Variants in ZFP1 observed in about 807,000 individuals in gnomAD.
ZFP1 encodes ZFP1 zinc finger protein.
In ZFP1, 32 loss-of-function variants were observed where a neutral mutation model predicts 38.5. That is an observed-to-expected ratio of 0.83 (90% confidence interval 0.63 to 1.12). ZFP1 has a LOEUF of 1.12. Ranked by LOEUF, ZFP1 falls within the 50% of genes most tolerant of loss-of-function variation. ZFP1 has a pLI of 0.00. For missense variants in ZFP1, 616 were observed against 480.8 expected, an observed-to-expected ratio of 1.28 and a Z score of -2.63; for synonymous variants, 245 against 168.8, an observed-to-expected ratio of 1.45 and a Z score of -3.50.
rs564033936 is a variant in ZFP1, at chr16:75,166,787, G to A, written c.33G>A (p.Thr11=). 6 of 1,614,098 alleles carry A rather than the reference G, an allele frequency of 3.7e-6. No individual in the cohort carries two copies. The highest frequency in any genetic ancestry group is 4.2e-6 in the Non-Finnish European group (5 of 1,180,008). The change falls in exon 3 of 4, where the codon ACG becomes ACA. Residue 11 remains threonine, a synonymous_variant. Coordinates refer to ENST00000570010, the MANE Select transcript of ZFP1 (RefSeq NM_153688.4). MNKSQGSVSF[T]DVTVDFTQEE... is the part of the protein sequence containing the mutation. Reference sequence around the variant, plus strand: ...CATTTCAGGGATCAGTTTCATTCACGGATGTGACTGTGGACTTTACCCAGG... The same window carrying A: ...CATTTCAGGGATCAGTTTCATTCACAGATGTGACTGTGGACTTTACCCAGG...
chr16:75,157,683 T>G (rs952243668), intron 2 of ZFP1, among the ~76,000 whole-genome samples: 3 of 152,222 alleles, frequency 2.0e-5, no homozygotes, highest in Non-Finnish European at 2.9e-5. Flanking sequence ...TGCACACATA[T>G]GATTCTGTCT....
intron 2 of ZFP1, among the ~76,000 whole-genome samples, chr16:75,155,454 A>G (rs2037423446): frequency 6.6e-6 from 1 of 152,172 alleles, no homozygotes; most frequent in Non-Finnish European, 1.5e-5. Flanking sequence ...TGTTTTTTAA[A>G]TCATTCAGTA....
chr16:75,164,261 T>G (rs1424587277), intron 2 of ZFP1, among the ~76,000 whole-genome samples: 1 of 151,622 alleles, frequency 6.6e-6, no homozygotes, highest in African/African-American at 2.4e-5. Context: ...AACAGACATT[T>G]ATCCCATTTT....
chr16:75,158,371 C>G (rs902773429), intron 2 of ZFP1, among the ~76,000 whole-genome samples: 7 of 150,714 alleles, frequency 4.6e-5, no homozygotes, highest in African/African-American at 1.5e-4. Context: ...TTTTTTGAGA[C>G]AGGATCTCTC....
At chr16:75,120,754 T>C in the ZFP1 span, among the ~76,000 whole-genome samples, 2 of 147,034 alleles carry the variant, frequency 1.4e-5, no homozygotes, top group African/African-American at 5.1e-5. Context: ...AGCGCCACCA[T>C]GCCCAGCTTG....
chr16:75,124,305 C>T, the ZFP1 span, among the ~76,000 whole-genome samples: 1 of 150,008 alleles, frequency 6.7e-6, no homozygotes, highest in East Asian at 2.1e-4. Context: ...ATTACAGGCA[C>T]CCACCACCAC....
intron 2 of ZFP1, among the ~76,000 whole-genome samples, chr16:75,162,634 A>G (rs1470647844): frequency 6.6e-6 from 1 of 152,178 alleles, no homozygotes; most frequent in Non-Finnish European, 1.5e-5. Flanking sequence ...AGTAGTGAGA[A>G]TAGTACCCAA....
intron 3 of ZFP1, among the ~76,000 whole-genome samples, chr16:75,167,645 G>A (rs1413332596): frequency 6.6e-6 from 1 of 152,074 alleles, no homozygotes; most frequent in African/African-American, 2.4e-5. Flanking sequence ...TGTCACCCAG[G>A]CTAGAATCCA....
At chr16:75,136,958 T>C in the ZFP1 span, among the ~76,000 whole-genome samples, 1 of 152,286 alleles carries the variant, frequency 6.6e-6, no homozygotes, top group East Asian at 1.9e-4. Context: ...ATTTCTTTGC[T>C]CTGTCAGCCA....
chr16:75,125,505 G>A, the ZFP1 span, among the ~76,000 whole-genome samples: 2 of 151,906 alleles, frequency 1.3e-5, no homozygotes, highest in African/African-American at 4.8e-5. Flanking sequence ...TATTTTTTTA[G>A]TAGAGACAGG....
chr16:75,136,830 C>T, the ZFP1 span, among the ~76,000 whole-genome samples: 1 of 152,020 alleles, frequency 6.6e-6, no homozygotes, highest in South Asian at 2.1e-4. Context: ...ATGGTCGTGA[C>T]ACTGTGCTCC....
At chr16:75,136,703 C>T in the ZFP1 span, among the ~76,000 whole-genome samples, 1 of 151,756 alleles carries the variant, frequency 6.6e-6, no homozygotes, top group Non-Finnish European at 1.5e-5. Context: ...ACCCCATCTC[C>T]ACAAAAAAAT....
chr16:75,170,083 G>T lies in ZFP1; in HGVS notation c.973G>T (p.Glu325Ter). ...GATTCACACGGGGGAGAAACGCTAT[G>T]AGTGCAGTGAATGTGGAAAATCCTT... The part of the protein sequence containing the change: ...QKIHTGEKRY[E>*]CSECGKSFIQ... The change falls in exon 4 of 4, where the codon GAG becomes TAG. Residue 325 changes from glutamate to a stop codon, truncating the protein, a stop_gained. Transcript: ENST00000570010. LOFTEE classifies it high-confidence loss of function. The T allele has an allele frequency of 6.2e-7, 1 of 1,614,144 alleles. No homozygotes were observed. The highest frequency in any genetic ancestry group is 8.5e-7 in the Non-Finnish European group (1 of 1,180,002).
chr16:75,166,416 G>T, intron 2 of ZFP1: 1 of 336,802 alleles, frequency 3.0e-6, no homozygotes, highest in Non-Finnish European at 4.2e-6. Context: ...AGTAGAGATG[G>T]GATTTCACCA....
chr16:75,133,669 G>C, the ZFP1 span, among the ~76,000 whole-genome samples: 1 of 152,168 alleles, frequency 6.6e-6, no homozygotes, highest in African/African-American at 2.4e-5. Context: ...CACATATTCA[G>C]AGGCTTGATT....
chr16:75,145,115 T>C (rs796702270), upstream of ZFP1, among the ~76,000 whole-genome samples: 5 of 152,260 alleles, frequency 3.3e-5, no homozygotes, highest in African/African-American at 1.2e-4. Context: ...AATGGACACT[T>C]GGATTGTCTC....
chr16:75,163,810 C>T (rs1248696060), intron 2 of ZFP1, among the ~76,000 whole-genome samples: 1 of 152,054 alleles, frequency 6.6e-6, no homozygotes, highest in African/African-American at 2.4e-5. Flanking sequence ...AGGGTCTTGC[C>T]ATGTTGCCCA....
At position 75,166,193 on chromosome 16, in the gene ZFP1, A is replaced by G. The variant is rs1597079708; in HGVS notation, c.16-577A>G. ...TTTATTAGCACACTGGTAACAATGA[A>G]TATCTAATGTGCTTGTCTCACAGTA... On this transcript the variant is annotated intron_variant, in intron 2 of 3. Coordinates refer to ENST00000570010, the MANE Select transcript of ZFP1 (RefSeq NM_153688.4). Among the ~76,000 whole-genome samples the G allele has an allele frequency of 3.3e-5, 5 of 152,330 alleles. No homozygotes were observed. The South Asian group carries it at 6.2e-4, about 19-fold the overall frequency.
the ZFP1 span, among the ~76,000 whole-genome samples, chr16:75,127,664 T>G: frequency 6.6e-6 from 1 of 152,224 alleles, no homozygotes; most frequent in South Asian, 2.1e-4. Flanking sequence ...CTTTGGAGAT[T>G]GTGACATCAG....
Sources: gnomAD v4.1 joint callset for allele counts (sites outside exome capture counted in the v4.1 genomes callset) on GRCh38, gnomAD v4.1.1 for gene constraint, MANE v1.5 for transcripts, NCBI Gene and HGNC (gene_info 2026-07-23, HGNC 2026-07-21) for gene names.